KCNQ1OT1: variants seen among roughly 807,000 people sequenced by gnomAD.
The protein encoded by KCNQ1OT1 is KCNQ1 antisense RNA 2 (non-protein coding).
Position 2,647,678 on chromosome 11 carries a change from T to C in KCNQ1OT1, n.52317A>G, listed in dbSNP as rs939774647. On this transcript the variant is annotated non_coding_transcript_exon_variant, in exon 1 of 1. Transcript: ENST00000597346. This position sits in a 1 kb window ranked among gnomAD's most constrained non-coding sequence, Gnocchi z 4.0. ...ATTACTGATACAATCTCATTCCTTG[T>C]TATTGCTCTGTTCAGATTTTTTTTC... 5.0e-6 allele frequency: 2 copies of C among 398,454 alleles called. No individual in the cohort carries two copies. The highest frequency in any genetic ancestry group is 8.8e-6 in the Non-Finnish European group (2 of 226,056). 24.7% of individuals were successfully genotyped at this position (398,454 alleles called of 1,614,324 possible).
rs1161945745 is a variant in KCNQ1OT1 at position 2,664,199 on chromosome 11, G to A, written n.35796C>T. On this transcript the variant is annotated non_coding_transcript_exon_variant, in exon 1 of 1. Transcript: ENST00000597346. The surrounding 1 kb of genome is among the most constrained non-coding windows in gnomAD (Gnocchi z 5.1). ...AGATATGAGCCAGCCTGGGAAGGCA[G>A]GAAGGAGCCCAGGCATGGGGCTTGG... 7.5e-6 allele frequency: 3 copies of A among 398,702 alleles called. No individual in the cohort carries two copies. The highest frequency in any genetic ancestry group is 3.6e-5 in the East Asian group (1 of 28,094). The allele number at this position is 398,702 out of a possible 1,614,324, so 24.7% of individuals were successfully genotyped here. A position where few individuals can be genotyped will look rare whatever the true frequency, so the allele number is the denominator to read the frequency against.
At chr11:2,628,513 T>C (rs1355426027) in exon 1 of KCNQ1OT1, 3 of 398,378 alleles carry the variant, frequency 7.5e-6, no homozygotes, top group Non-Finnish European at 1.3e-5. Flanking sequence ...TTGCTAGTTA[T>C]ATGAGTTCCT....
At position 2,678,684 on chromosome 11, in the gene KCNQ1OT1, G is replaced by A. The variant is rs1291189266; in HGVS notation, n.21311C>T. ...GTCAACCAGGGGAATTCATGGCATG[G>A]CCTAAGATCTAAACACTCTTAAGAT... On this transcript the variant is annotated non_coding_transcript_exon_variant, in exon 1 of 1. Coordinates refer to ENST00000597346, the Ensembl canonical transcript of KCNQ1OT1. The surrounding 1 kb of genome is among the most constrained non-coding windows in gnomAD (Gnocchi z 4.9). 1.3e-5 allele frequency: 5 copies of A among 398,490 alleles called. No individual in the cohort carries two copies. The Admixed American group carries it at 2.2e-4, about 18-fold the overall frequency. The allele number at this position is 398,490 out of a possible 1,614,324, so 24.7% of individuals were successfully genotyped here. A position where few individuals can be genotyped will look rare whatever the true frequency, so the allele number is the denominator to read the frequency against.
At position 2,682,111 on chromosome 11, in the gene KCNQ1OT1, G is replaced by A. The variant is rs1850408715; in HGVS notation, n.17884C>T. The A allele has an allele frequency of 2.5e-6, 1 of 398,462 alleles. No individual in the cohort carries two copies. The highest frequency in any genetic ancestry group is 4.4e-5 in the Admixed American group (1 of 22,706). The allele number at this position is 398,462 out of a possible 1,614,324, so 24.7% of individuals were successfully genotyped here. On this transcript the variant is annotated non_coding_transcript_exon_variant, in exon 1 of 1. Transcript: ENST00000597346. The surrounding 1 kb of genome is among the most constrained non-coding windows in gnomAD (Gnocchi z 5.8). ...AGGGTCACAAAGCTAGGGAGCCGTG[G>A]ATCTGCAGGAGATGTCCCAGCTCAT...
At position 2,674,907 on chromosome 11, in the gene KCNQ1OT1, A is replaced by T. The variant is rs1850265801; in HGVS notation, n.25088T>A. 1 of 384,486 alleles carries T rather than the reference A, an allele frequency of 2.6e-6. No homozygotes were observed. The highest frequency in any genetic ancestry group is 4.5e-6 in the Non-Finnish European group (1 of 220,640). The allele number at this position is 384,486 out of a possible 1,614,324, so 23.8% of individuals were successfully genotyped here. The stretch of plus-strand genomic sequence containing the variant: ...CAGGGTCTGAAAAGTCCTTTGTGTT[A>T]GCTCCAGCTGCAGAGTTTTTCCAGG... On this transcript the variant is annotated non_coding_transcript_exon_variant, in exon 1 of 1. Coordinates refer to ENST00000597346, the Ensembl canonical transcript of KCNQ1OT1. This position sits in a 1 kb window ranked among gnomAD's most constrained non-coding sequence, Gnocchi z 5.9.
Position 2,687,258 on chromosome 11 carries a change from G to A in KCNQ1OT1, n.12737C>T. The A allele has an allele frequency of 2.5e-6, 1 of 398,648 alleles. No individual in the cohort carries two copies. The highest frequency in any genetic ancestry group is 4.4e-6 in the Non-Finnish European group (1 of 226,082). 24.7% of individuals were successfully genotyped at this position (398,648 alleles called of 1,614,324 possible). A position where few individuals can be genotyped will look rare whatever the true frequency, so the allele number is the denominator to read the frequency against. On this transcript the variant is annotated non_coding_transcript_exon_variant, in exon 1 of 1. Transcript: ENST00000597346. The surrounding 1 kb of genome is among the most constrained non-coding windows in gnomAD (Gnocchi z 5.0). ...CAGCCAGCATCACTACCAGCTCCGG[G>A]CTTCTCTCCTCTGGCCTCCCACCTT...
chr11:2,694,339 G>C (rs1445806559), exon 1 of KCNQ1OT1: 3 of 398,546 alleles, frequency 7.5e-6, no homozygotes, highest in Non-Finnish European at 1.3e-5. Flanking sequence ...TGCCCCCCAG[G>C]GGACATATGG....
At chr11:2,662,218 T>A in exon 1 of KCNQ1OT1, 1 of 1,215,224 alleles carries the variant, frequency 8.2e-7, no homozygotes, top group Non-Finnish European at 1.2e-6. Context: ...GCCGTCTGCC[T>A]GGCCCCAACA....
rs144223872 is a variant in KCNQ1OT1, at chr11:2,612,482, G to C, written n.87513C>G. 2.5e-6 allele frequency: 1 copy of C among 398,318 alleles called. No homozygotes were observed. Among genetic ancestry groups the C allele is most frequent in the Non-Finnish European group, 4.4e-6 (1 of 226,042 alleles). The allele number at this position is 398,318 out of a possible 1,614,324, so 24.7% of individuals were successfully genotyped here. On this transcript the variant is annotated non_coding_transcript_exon_variant, in exon 1 of 1. Coordinates refer to ENST00000597346, the Ensembl canonical transcript of KCNQ1OT1. The surrounding 1 kb of genome is among the most constrained non-coding windows in gnomAD (Gnocchi z 5.5). ...GTCTGAATCATCTTTATGGATCTGC[G>C]TTGAAGTTCATTGATTCTTTCTTCT... is the stretch of plus-strand genomic sequence containing the variant.
At position 2,657,826 on chromosome 11, in the gene KCNQ1OT1, C is replaced by T. The variant is rs1849876974; in HGVS notation, n.42169G>A. 2.5e-6 allele frequency: 1 copy of T among 398,386 alleles called. No homozygotes were observed. Among genetic ancestry groups the T allele is most frequent in the Non-Finnish European group, 4.4e-6 (1 of 226,054 alleles). The allele number at this position is 398,386 out of a possible 1,614,324, so 24.7% of individuals were successfully genotyped here. The stretch of plus-strand genomic sequence containing the variant: ...TCATTGTCCCTCAGTTTGGATTTGT[C>T]TGGTGTTTTCTCAGGACTAGACCAG... On this transcript the variant is annotated non_coding_transcript_exon_variant, in exon 1 of 1. Coordinates refer to ENST00000597346, the Ensembl canonical transcript of KCNQ1OT1. This position sits in a 1 kb window ranked among gnomAD's most constrained non-coding sequence, Gnocchi z 4.8.
rs78749685 is a variant in KCNQ1OT1 at position 2,693,171 on chromosome 11, T to C, written n.6824A>G. On this transcript the variant is annotated non_coding_transcript_exon_variant, in exon 1 of 1. Coordinates refer to ENST00000597346, the Ensembl canonical transcript of KCNQ1OT1. Reference sequence around the variant, plus strand: ...CAGTCTACACTCTGTGATCCACTCATGAATATCTGGTCTGGCTCTGCGTTC... The same window carrying C: ...CAGTCTACACTCTGTGATCCACTCACGAATATCTGGTCTGGCTCTGCGTTC... 2,001 of 398,674 alleles carry C rather than the reference T, an allele frequency of 5.0e-3. 7 individuals are homozygous for C. Among genetic ancestry groups the C allele is most frequent in the Non-Finnish European group, 6.2e-3 (1,395 of 226,072 alleles). 24.7% of individuals were successfully genotyped at this position (398,674 alleles called of 1,614,324 possible).
exon 1 of KCNQ1OT1, chr11:2,688,458 G>A (rs577559794): frequency 1.3e-5 from 5 of 398,744 alleles, no homozygotes; most frequent in South Asian, 2.5e-4. Context: ...TATTTCACAG[G>A]AGAACACCAC....
rs1443863471 is a variant in KCNQ1OT1, at chr11:2,664,390, G to T, written n.35605C>A. On this transcript the variant is annotated non_coding_transcript_exon_variant, in exon 1 of 1. Transcript: ENST00000597346. The surrounding 1 kb of genome is among the most constrained non-coding windows in gnomAD (Gnocchi z 5.1). ...GTCAGGGTACGGTCCCTCCAGAGAG[G>T]CCTGAAGGGGAGAGTGGGCACGTAC... 7.5e-6 allele frequency: 3 copies of T among 398,680 alleles called. No homozygotes were observed. The highest frequency in any genetic ancestry group is 2.1e-5 in the African/African-American group (1 of 48,638). 24.7% of individuals were successfully genotyped at this position (398,680 alleles called of 1,614,324 possible).
chr11:2,675,789 C>T, exon 1 of KCNQ1OT1: 1 of 398,722 alleles, frequency 2.5e-6, no homozygotes, highest in East Asian at 3.6e-5. Flanking sequence ...CTGCTGCCCG[C>T]AGGGCATACC....
At chr11:2,634,327 TCCCC>T (rs1554900017) in exon 1 of KCNQ1OT1, 2 of 92,928 alleles carry the variant, frequency 2.2e-5, no homozygotes, top group Non-Finnish European at 3.9e-5. Context: ...CCCTCCCCCC[TCCCC>T]CCCCACCCCA....
chr11:2,682,296 C>T lies in KCNQ1OT1; in HGVS notation n.17699G>A, dbSNP rs762443430. ...AGACTGGGCTGTAAAAAATCACATA[C>T]CTCCCCTCCCATTCTTAATGTGTAA... On this transcript the variant is annotated non_coding_transcript_exon_variant, in exon 1 of 1. Coordinates refer to ENST00000597346, the Ensembl canonical transcript of KCNQ1OT1. This position sits in a 1 kb window ranked among gnomAD's most constrained non-coding sequence, Gnocchi z 5.8. 2.0e-5 allele frequency: 8 copies of T among 398,500 alleles called. No individual in the cohort carries two copies. Among genetic ancestry groups the T allele is most frequent in the Non-Finnish European group, 3.5e-5 (8 of 226,090 alleles). 24.7% of individuals were successfully genotyped at this position (398,500 alleles called of 1,614,324 possible).
chr11:2,673,838 G>T lies in KCNQ1OT1; in HGVS notation n.26157C>A. 2.5e-6 allele frequency: 1 copy of T among 398,802 alleles called. No homozygotes were observed. Among genetic ancestry groups the T allele is most frequent in the Non-Finnish European group, 4.4e-6 (1 of 226,218 alleles). The allele number at this position is 398,802 out of a possible 1,614,324, so 24.7% of individuals were successfully genotyped here. On this transcript the variant is annotated non_coding_transcript_exon_variant, in exon 1 of 1. Coordinates refer to ENST00000597346, the Ensembl canonical transcript of KCNQ1OT1. This position sits in a 1 kb window ranked among gnomAD's most constrained non-coding sequence, Gnocchi z 4.5. The stretch of plus-strand genomic sequence containing the variant: ...CCAGGCCCACAAGCACCACAGCCAG[G>T]AGAGTCAAGGTTGGATATGAAGAGG...
At chr11:2,648,626 T>C (rs1849704027) in exon 1 of KCNQ1OT1, 2 of 398,578 alleles carry the variant, frequency 5.0e-6, no homozygotes, top group Non-Finnish European at 8.8e-6. Flanking sequence ...TCCATTGTGG[T>C]CTGAGAAGAT....
exon 1 of KCNQ1OT1, chr11:2,637,539 G>A (rs1008773948): frequency 1.3e-5 from 2 of 152,228 alleles, no homozygotes; most frequent in Non-Finnish European, 2.9e-5. Context: ...TTGCACTGTG[G>A]TCTGAGAGAC....
Sources: gnomAD v4.1 joint callset for allele counts on GRCh38, gnomAD v4.1.1 for gene constraint, Gnocchi (gnomAD v3.1) non-coding constraint, MANE v1.5 for transcripts, NCBI Gene and HGNC (gene_info 2026-07-23, HGNC 2026-07-21) for gene names.